Variants in PTPRK observed in about 807,000 individuals in gnomAD.
PTPRK encodes the protein receptor-type tyrosine-protein phosphatase kappa.
Under a neutral mutation model 178.0 loss-of-function variants are expected in PTPRK, and 75 were observed. The observed-to-expected ratio is 0.42, with a 90% CI of 0.35 to 0.51. PTPRK has a LOEUF of 0.51. Ranked by LOEUF, PTPRK falls within the 20% of genes least tolerant of loss-of-function variation. The pLI is 0.02. For missense variants in PTPRK, 1,441 were observed against 1,797.8 expected (o/e 0.80, Z 3.59); for synonymous variants, 637 against 620.6 (o/e 1.03, Z -0.39).
At position 128,201,643 on chromosome 6, in the gene PTPRK, G is replaced by A. The variant is rs866099431; in HGVS notation, c.869-16918C>T. On this transcript the variant is annotated intron_variant, in intron 6 of 29. Transcript: ENST00000368226. ...GGAGGCTGAGATGGGAGGACTGCTTGAAGCCAGGATTTCAAGAATAGCCTG... is the reference window on the plus strand; with the variant it reads ...GGAGGCTGAGATGGGAGGACTGCTTAAAGCCAGGATTTCAAGAATAGCCTG... Among the ~76,000 whole-genome samples, 3 of 152,178 alleles carry A rather than the reference G, an allele frequency of 2.0e-5. No homozygotes were observed. In the South Asian group the frequency reaches 6.2e-4, roughly 32 times the overall value.
At chr6:128,065,662 C>T (rs1781622352) in intron 12 of PTPRK, among the ~76,000 whole-genome samples, 3 of 152,074 alleles carry the variant, frequency 2.0e-5, no homozygotes, top group Admixed American at 1.3e-4. Flanking sequence ...TTTACAATTT[C>T]CACTTAAGCA....
intron 7 of PTPRK, among the ~76,000 whole-genome samples, chr6:128,146,893 C>T (rs1796581756): frequency 2.0e-5 from 3 of 152,126 alleles, no homozygotes; most frequent in African/African-American, 7.2e-5. Flanking sequence ...AACAATTTCA[C>T]ATCTTGTTTG....
At chr6:128,406,174 G>A (rs891997452) in intron 1 of PTPRK, among the ~76,000 whole-genome samples, 3 of 151,910 alleles carry the variant, frequency 2.0e-5, no homozygotes, top group Admixed American at 2.0e-4. Context: ...GATTACTTGA[G>A]CCTGGGAGGT....
At chr6:128,234,395 T>C (rs1294632215) in intron 5 of PTPRK, among the ~76,000 whole-genome samples, 4 of 152,230 alleles carry the variant, frequency 2.6e-5, no homozygotes, top group African/African-American at 9.6e-5. Flanking sequence ...CTTTGACAAA[T>C]GTCTGTACAC....
intron 7 of PTPRK, among the ~76,000 whole-genome samples, chr6:128,119,057 G>A (rs1792024854): frequency 1.3e-5 from 2 of 152,046 alleles, no homozygotes; most frequent in South Asian, 2.1e-4. Context: ...GAAAAGCCAG[G>A]TGAAGATACT....
chr6:128,518,008 A>G (rs1858346986), intron 1 of PTPRK, among the ~76,000 whole-genome samples: 1 of 152,234 alleles, frequency 6.6e-6, no homozygotes, highest in South Asian at 2.1e-4. Flanking sequence ...ATGACAATAA[A>G]ATATCAAATG....
At chr6:128,309,180 C>A (rs1768355) in intron 3 of PTPRK, among the ~76,000 whole-genome samples, 2 of 152,074 alleles carry the variant, frequency 1.3e-5, no homozygotes, top group African/African-American at 4.8e-5. Context: ...TCCAACTGAG[C>A]ATTCACTAGA....
Position 128,383,499 on chromosome 6 carries a change from A to AT in PTPRK, c.223+14066dup, listed in dbSNP as rs201580906. Among the ~76,000 whole-genome samples, 1,464 of 152,272 alleles carry AT rather than the reference A, an allele frequency of 9.6e-3. 19 individuals are homozygous for AT. The highest frequency in any genetic ancestry group is 0.032 in the African/African-American group (1,350 of 41,546). On this transcript the variant is annotated intron_variant, in intron 2 of 29. Transcript: ENST00000368226. Reference sequence around the variant, plus strand: ...CATTAACAACAGTTAAATTCAAATCATTTTCTAAAATATTCCCCTTTTTCC... The same window carrying AT: ...CATTAACAACAGTTAAATTCAAATCATTTTTCTAAAATATTCCCCTTTTTCC...
chr6:128,445,102 T>C (rs867729949), intron 1 of PTPRK, among the ~76,000 whole-genome samples: 2 of 150,836 alleles, frequency 1.3e-5, no homozygotes, highest in Middle Eastern at 3.5e-3. Flanking sequence ...CGGTAGCTCA[T>C]GCCTGTAATC....
chr6:128,347,011 T>A (rs1027615276), intron 2 of PTPRK, among the ~76,000 whole-genome samples: 1 of 152,174 alleles, frequency 6.6e-6, no homozygotes, highest in East Asian at 1.9e-4. Context: ...CTGAGAGACA[T>A]GGAATCTGCA....
chr6:128,142,717 T>C (rs900575290), intron 7 of PTPRK, among the ~76,000 whole-genome samples: 2 of 151,928 alleles, frequency 1.3e-5, no homozygotes, highest in African/African-American at 2.4e-5. Flanking sequence ...CCAGTAAGTC[T>C]TACATTTCAA....
chr6:128,433,641 A>G (rs536121165), intron 1 of PTPRK, among the ~76,000 whole-genome samples: 11 of 151,954 alleles, frequency 7.2e-5, no homozygotes, highest in African/African-American at 2.7e-4. Flanking sequence ...TCAGCCACCC[A>G]AGTAGCTGGG....
At chr6:128,042,898 C>G (rs1777437588) in intron 13 of PTPRK, among the ~76,000 whole-genome samples, 1 of 151,898 alleles carries the variant, frequency 6.6e-6, no homozygotes. Flanking sequence ...ATGTCATTAT[C>G]AAGTATTTTG....
chr6:128,481,392 T>C (rs571605316), intron 1 of PTPRK, among the ~76,000 whole-genome samples: 3 of 152,308 alleles, frequency 2.0e-5, no homozygotes, highest in African/African-American at 7.2e-5. Flanking sequence ...TTTACATTGA[T>C]GGATGTTTAC....
intron 7 of PTPRK, among the ~76,000 whole-genome samples, chr6:128,096,763 T>A (rs1319274044): frequency 6.6e-6 from 1 of 152,098 alleles, no homozygotes; most frequent in Non-Finnish European, 1.5e-5. Flanking sequence ...ATTCCATTTA[T>A]CAAAACAAAT....
intron 10 of PTPRK, 76 bp downstream of exon 10, chr6:128,082,361 T>C: frequency 7.4e-7 from 1 of 1,342,324 alleles, no homozygotes. Context: ...ACTTGGTTTA[T>C]ATGTGATTCT....
At chr6:128,147,722 T>C (rs141743018) in intron 7 of PTPRK, among the ~76,000 whole-genome samples, 4 of 152,212 alleles carry the variant, frequency 2.6e-5, no homozygotes, top group Admixed American at 6.5e-5. Context: ...GGCTCAACAA[T>C]AGATCATACG....
chr6:128,472,745 G>A, intron 1 of PTPRK: 1 of 295,580 alleles, frequency 3.4e-6, no homozygotes, highest in South Asian at 3.1e-5. Flanking sequence ...CAATATTGAT[G>A]CCAAATTAAG....
At chr6:128,220,480 C>G (rs1810192967) in intron 5 of PTPRK, among the ~76,000 whole-genome samples, 1 of 152,168 alleles carries the variant, frequency 6.6e-6, no homozygotes, top group African/African-American at 2.4e-5. Context: ...CCCCTGGTAT[C>G]TTTCATATTA....
Sources: allele counts gnomAD v4.1 joint callset (sites outside exome capture counted in the v4.1 genomes callset), GRCh38; gene constraint gnomAD v4.1.1; transcripts MANE v1.5; gene names NCBI Gene and HGNC (gene_info 2026-07-23, HGNC 2026-07-21).